NAA11: variants seen among roughly 807,000 people sequenced by gnomAD.
The protein encoded by NAA11 is N-alpha-acetyltransferase 11, NatA catalytic subunit.
NAA11 carries 15 observed loss-of-function variants against 16.1 expected under a neutral mutation model. The observed-to-expected ratio is 0.93, with a 90% CI of 0.62 to 1.44. NAA11 has a LOEUF of 1.44. NAA11 is among the 40% of genes most tolerant of loss of function. The pLI is 0.00. For missense variants in NAA11, 298 were observed against 291.3 expected (o/e 1.02, Z -0.17); for synonymous variants, 122 against 112.4 (o/e 1.09, Z -0.54).
chr4:79,172,638 G>T, the NAA11 span, among the ~76,000 whole-genome samples: 2 of 152,184 alleles, frequency 1.3e-5, no homozygotes, highest in Non-Finnish European at 2.9e-5. Context: ...CTATGTGGTT[G>T]GGAGGGTGGC....
At position 79,227,612 on chromosome 4, in the gene NAA11, A is replaced by T. The variant is rs1292336787; in HGVS notation, c.*123-1342T>A. 3 of 152,078 alleles carry T rather than the reference A, an allele frequency of 2.0e-5. No individual in the cohort carries two copies. In the East Asian group the frequency reaches 5.8e-4, roughly 29 times the overall value. The allele number at this position is 152,078 out of a possible 1,614,324, so 9.4% of individuals were successfully genotyped here. A position where few individuals can be genotyped will look rare whatever the true frequency, so the allele number is the denominator to read the frequency against. ...TGATGGTTTCACTTTGGTTACATTT[A>T]TCCAAATGCCCCGTCCAACTCTTCA... On this transcript the variant is annotated intron_variant and NMD_transcript_variant, in intron 2 of 2. Coordinates refer to the NAA11 transcript ENST00000511542.
At chr4:79,188,312 G>A in the NAA11 span, among the ~76,000 whole-genome samples, 1 of 151,988 alleles carries the variant, frequency 6.6e-6, no homozygotes, top group African/African-American at 2.4e-5. Flanking sequence ...CTGGCCGGGC[G>A]CGGTGGCTCA....
chr4:79,253,486 G>C (rs1411087676), intron 2 of NAA11, among the ~76,000 whole-genome samples: 1 of 152,078 alleles, frequency 6.6e-6, no homozygotes, highest in Non-Finnish European at 1.5e-5. Flanking sequence ...TAAAAAGACA[G>C]AAACCAGCAA....
rs530818707 is a variant in NAA11 at position 79,251,895 on chromosome 4, G to A, written c.*123-25625C>T. On this transcript the variant is annotated intron_variant and NMD_transcript_variant, in intron 2 of 2. Coordinates refer to the NAA11 transcript ENST00000511542. ...CTCATTCAAAAAAACATCTGCACTC[G>A]TATGTTTACTGCACTATTCACAATA... 8.5e-5 allele frequency among the ~76,000 whole-genome samples: 13 copies of A among 152,106 alleles called. No homozygotes were observed. In the East Asian group the frequency reaches 1.5e-3, roughly 18 times the overall value.
At chr4:79,157,586 C>CACATAT in the NAA11 span, among the ~76,000 whole-genome samples, 1 of 150,922 alleles carries the variant, frequency 6.6e-6, no homozygotes, top group Admixed American at 6.6e-5. Flanking sequence ...TACATATATA[C>CACATAT]GTGTGTGTGT....
chr4:79,310,922 G>T (rs1472991545), intron 1 of NAA11, among the ~76,000 whole-genome samples: 4 of 152,172 alleles, frequency 2.6e-5, no homozygotes, highest in African/African-American at 4.8e-5. Context: ...TTTGGCCAGG[G>T]TGTATAATGT....
downstream of NAA11, among the ~76,000 whole-genome samples, chr4:79,222,743 C>T (rs1721219582): frequency 6.6e-6 from 1 of 150,768 alleles, no homozygotes; most frequent in Non-Finnish European, 1.5e-5. Context: ...ACAACCTACT[C>T]ATCTGACAAA....
chr4:79,270,183 G>A (rs1319259983), intron 2 of NAA11, among the ~76,000 whole-genome samples: 1 of 151,200 alleles, frequency 6.6e-6, no homozygotes, highest in Non-Finnish European at 1.5e-5. Context: ...ACTTGGCGAT[G>A]CGGGCTCTTT....
At position 79,325,303 on chromosome 4, in the gene NAA11, C is replaced by T. The variant is rs373612730; in HGVS notation, c.575G>A (p.Cys192Tyr). 5 of 1,613,812 alleles carry T rather than the reference C, an allele frequency of 3.1e-6. No homozygotes were observed. Among genetic ancestry groups the T allele is most frequent in the Non-Finnish European group, 3.4e-6 (4 of 1,179,856 alleles). ...GSTLSDSEEA[C>Y]QQKNPATEES... is the part of the protein sequence containing the mutation. ...TTCGGTAGCCGGGTTCTTTTGCTGA[C>T]AGGCCTCTTCAGAATCAGAAAGTGT... The change falls in exon 1 of 2, where the codon TGT becomes TAT. Residue 192 changes from cysteine to tyrosine, a missense_variant. Transcript: ENST00000286794.
At chr4:79,285,477 A>T (rs758842136) in intron 2 of NAA11, among the ~76,000 whole-genome samples, 5 of 152,096 alleles carry the variant, frequency 3.3e-5, no homozygotes, top group Admixed American at 6.5e-5. Flanking sequence ...CTTAACTTTC[A>T]CTATTGTTAA....
chr4:79,298,268 T>C (rs2109999513), intron 1 of NAA11, among the ~76,000 whole-genome samples: 1 of 152,296 alleles, frequency 6.6e-6, no homozygotes, highest in Non-Finnish European at 1.5e-5. Context: ...TTCTTCCTGG[T>C]CACATGACAA....
chr4:79,265,900 G>A (rs147333647), intron 2 of NAA11, among the ~76,000 whole-genome samples: 6 of 152,114 alleles, frequency 3.9e-5, no homozygotes, highest in South Asian at 2.1e-4. Flanking sequence ...CTTTACATCT[G>A]CTTATTAAAA....
intron 2 of NAA11, among the ~76,000 whole-genome samples, chr4:79,249,897 CA>C (rs1329428295): frequency 6.6e-6 from 1 of 152,204 alleles, no homozygotes; most frequent in Non-Finnish European, 1.5e-5. Flanking sequence ...TCACAGAGGA[CA>C]AAATGGTGAA....
the NAA11 span, among the ~76,000 whole-genome samples, chr4:79,194,804 T>C: frequency 6.6e-6 from 1 of 152,142 alleles, no homozygotes; most frequent in South Asian, 2.1e-4. Flanking sequence ...CTAACACTTA[T>C]TACAACCCTT....
the NAA11 span, among the ~76,000 whole-genome samples, chr4:79,156,806 A>C: frequency 6.6e-6 from 1 of 152,226 alleles, no homozygotes; most frequent in Non-Finnish European, 1.5e-5. Flanking sequence ...TTGAGCTCAG[A>C]CTTGTATCCA....
chr4:79,156,313 A>AT, the NAA11 span, among the ~76,000 whole-genome samples: 1 of 86,096 alleles, frequency 1.2e-5, no homozygotes, highest in East Asian at 4.2e-4. Context: ...ATGGGATGTG[A>AT]TGTGTGTGTG....
At chr4:79,293,581 A>G (rs986675573) in intron 2 of NAA11, among the ~76,000 whole-genome samples, 1 of 152,236 alleles carries the variant, frequency 6.6e-6, no homozygotes, top group Non-Finnish European at 1.5e-5. Flanking sequence ...TGGCAGAAGC[A>G]TGGTTCAAAC....
At chr4:79,162,801 C>T in the NAA11 span, among the ~76,000 whole-genome samples, 3 of 152,210 alleles carry the variant, frequency 2.0e-5, no homozygotes, top group African/African-American at 4.8e-5. Flanking sequence ...ATCCAAAGAG[C>T]TGGAATACTG....
the NAA11 span, among the ~76,000 whole-genome samples, chr4:79,176,313 A>G: frequency 6.6e-6 from 1 of 152,180 alleles, no homozygotes; most frequent in South Asian, 2.1e-4. Context: ...GTATGCATGT[A>G]TTAATCAGGA....
Sources: gnomAD v4.1 joint callset for allele counts (sites outside exome capture counted in the v4.1 genomes callset) on GRCh38, gnomAD v4.1.1 for gene constraint, MANE v1.5 for transcripts, NCBI Gene and HGNC (gene_info 2026-07-23, HGNC 2026-07-21) for gene names.